The following CDH18 variants were observed in gnomAD, a reference collection of about 807,000 sequenced individuals.
CDH18 encodes the protein cadherin-18.
In CDH18, 31 loss-of-function variants were observed where a neutral mutation model predicts 67.9. The ratio of observed to expected loss-of-function variants is 0.46; its 90% CI spans 0.34 to 0.62. The LOEUF (loss-of-function observed/expected upper bound fraction) is 0.62. Ranked by LOEUF, CDH18 falls within the 20% of genes least tolerant of loss-of-function variation. The pLI is 0.01. For missense variants in CDH18, 890 were observed against 975.5 expected (o/e 0.91, Z 1.17); for synonymous variants, 362 against 347.2 (o/e 1.04, Z -0.48).
At chr5:20,347,242 C>A (rs985025134) in intron 1 of CDH18, among the ~76,000 whole-genome samples, 3 of 152,144 alleles carry the variant, frequency 2.0e-5, no homozygotes, top group Non-Finnish European at 2.9e-5. Flanking sequence ...TAGAGGTCAT[C>A]AAATTTTAGA....
intron 5 of CDH18, among the ~76,000 whole-genome samples, chr5:19,719,947 AAGAAAG>A (rs1314921708): frequency 6.6e-6 from 1 of 151,436 alleles, no homozygotes; most frequent in Non-Finnish European, 1.5e-5. Flanking sequence ...GAAAGAAAGA[AAGAAAG>A]AAAGAAGGAA....
intron 2 of CDH18, among the ~76,000 whole-genome samples, chr5:19,862,272 T>G (rs1225445274): frequency 6.6e-6 from 1 of 152,214 alleles, no homozygotes; most frequent in Non-Finnish European, 1.5e-5. Flanking sequence ...TTTATATGTT[T>G]GTAGCACTGA....
intron 4 of CDH18, among the ~76,000 whole-genome samples, chr5:19,724,361 C>T (rs1291536232): frequency 6.6e-6 from 1 of 152,068 alleles, no homozygotes; most frequent in African/African-American, 2.4e-5. Context: ...TTTAGGGAGA[C>T]AGACTAGAGC....
chr5:20,181,420 C>T (rs920433343), intron 2 of CDH18, among the ~76,000 whole-genome samples: 1 of 152,036 alleles, frequency 6.6e-6, no homozygotes, highest in Non-Finnish European at 1.5e-5. Flanking sequence ...TGGGAGGAGA[C>T]CCTACTTAGA....
At chr5:20,124,384 G>C (rs551236491) in intron 2 of CDH18, among the ~76,000 whole-genome samples, 1 of 152,284 alleles carries the variant, frequency 6.6e-6, no homozygotes, top group South Asian at 2.1e-4. Flanking sequence ...GAGGAAGCCA[G>C]ATTTAAGTAG....
intron 1 of CDH18, among the ~76,000 whole-genome samples, chr5:20,472,081 G>A (rs78508893): frequency 0.069 from 4,753 of 68,882 alleles, 231 homozygotes; most frequent in African/African-American, 0.2. Context: ...ATTTTCTAAC[G>A]AATTCTAATT....
At chr5:20,305,254 G>A in intron 1 of CDH18, 2 of 1,385,268 alleles carry the variant, frequency 1.4e-6, no homozygotes, top group South Asian at 2.3e-5. Context: ...TCCTCCAGAA[G>A]GTACCACTAA....
At chr5:20,375,760 G>A (rs1743362162) in intron 1 of CDH18, among the ~76,000 whole-genome samples, 1 of 151,744 alleles carries the variant, frequency 6.6e-6, no homozygotes, top group Non-Finnish European at 1.5e-5. Context: ...TTCTTTCTCT[G>A]TCTAGTGTGT....
intron 2 of CDH18, among the ~76,000 whole-genome samples, chr5:20,053,275 G>T (rs920897226): frequency 5.3e-5 from 8 of 149,906 alleles, no homozygotes; most frequent in East Asian, 2.0e-4. Context: ...ATATAGTATA[G>T]ATATATATAT....
intron 3 of CDH18, among the ~76,000 whole-genome samples, chr5:19,821,301 A>T (rs1455284649): frequency 6.6e-6 from 1 of 152,178 alleles, no homozygotes; most frequent in African/African-American, 2.4e-5. Context: ...GGAATTTCAA[A>T]ACAAGTTTGA....
chr5:20,118,105 GT>G (rs1748069631), intron 2 of CDH18, among the ~76,000 whole-genome samples: 1 of 152,102 alleles, frequency 6.6e-6, no homozygotes, highest in Admixed American at 6.6e-5. Context: ...AAAAATAAAT[GT>G]CATTAGCAAA....
chr5:19,677,767 G>A (rs1308823702), intron 5 of CDH18, among the ~76,000 whole-genome samples: 1 of 151,622 alleles, frequency 6.6e-6, no homozygotes, highest in Non-Finnish European at 1.5e-5. Context: ...AAAGATATTT[G>A]AGACCTAATT....
chr5:20,257,476 CTAT>C (rs1744336924), intron 1 of CDH18, among the ~76,000 whole-genome samples: 1 of 47,108 alleles, frequency 2.1e-5, no homozygotes, highest in African/African-American at 9.5e-5. Flanking sequence ...TATCTTGGCT[CTAT>C]TGCTCTATTG....
At chr5:20,083,458 A>T (rs1437943474) in intron 2 of CDH18, among the ~76,000 whole-genome samples, 2 of 152,170 alleles carry the variant, frequency 1.3e-5, no homozygotes, top group African/African-American at 4.8e-5. Context: ...CAAGTCTATC[A>T]GCATCATTTT....
intron 1 of CDH18, among the ~76,000 whole-genome samples, chr5:20,310,747 G>A (rs1159961078): frequency 2.0e-5 from 3 of 152,120 alleles, no homozygotes; most frequent in African/African-American, 4.8e-5. Context: ...CTTACTTCTA[G>A]AAACACTTCT....
intron 8 of CDH18, among the ~76,000 whole-genome samples, chr5:19,549,089 A>G (rs564918126): frequency 3.9e-5 from 6 of 152,114 alleles, no homozygotes; most frequent in Non-Finnish European, 7.4e-5. Context: ...AAGGGGGGAT[A>G]ATACTGTTTG....
intron 5 of CDH18, among the ~76,000 whole-genome samples, chr5:19,705,151 C>T (rs1024311140): frequency 3.6e-4 from 54 of 152,088 alleles, no homozygotes; most frequent in Middle Eastern, 3.2e-3. Context: ...TACCTTATTA[C>T]GTGGATGATA....
chr5:20,450,048 A>AT, intron 1 of CDH18, among the ~76,000 whole-genome samples: 1 of 151,556 alleles, frequency 6.6e-6, no homozygotes, highest in East Asian at 1.9e-4. Flanking sequence ...TTTAAAGTAT[A>AT]TTTTTCTGGC....
chr5:20,534,991 T>C (rs1208874400), intron 1 of CDH18, among the ~76,000 whole-genome samples: 1 of 152,098 alleles, frequency 6.6e-6, no homozygotes, highest in African/African-American at 2.4e-5. Flanking sequence ...TAGCCTACCT[T>C]TGATCAATCA....
Sources: allele counts gnomAD v4.1 joint callset (sites outside exome capture counted in the v4.1 genomes callset), GRCh38; gene constraint gnomAD v4.1.1; transcripts MANE v1.5; gene names NCBI Gene and HGNC (gene_info 2026-07-23, HGNC 2026-07-21).